ACTR2: variants seen among roughly 807,000 people sequenced by gnomAD.
The protein encoded by ACTR2 is actin related protein 2, also known as actin-related protein 2.
Under a neutral mutation model 50.2 loss-of-function variants are expected in ACTR2, and 5 were observed. That is an observed-to-expected ratio of 0.10 (90% CI 0.05 to 0.21). The LOEUF (loss-of-function observed/expected upper bound fraction) is 0.21. Among genes scored for constraint, ACTR2 ranks in the 10% least tolerant of loss-of-function variants. ACTR2 has a pLI of 1.00. For missense variants in ACTR2, 180 were observed against 480.6 expected (o/e 0.37, Z 5.85); for synonymous variants, 140 against 162.9 (o/e 0.86, Z 1.07).
At chr2:65,254,593 G>A (rs1323116019) in intron 5 of ACTR2, among the ~76,000 whole-genome samples, 4 of 152,290 alleles carry the variant, frequency 2.6e-5, no homozygotes, top group African/African-American at 7.2e-5. Context: ...CCAGGGGACA[G>A]TGCTGTCCTC....
intron 6 of ACTR2, among the ~76,000 whole-genome samples, chr2:65,255,902 A>G (rs1483021812): frequency 2.6e-5 from 4 of 152,232 alleles, no homozygotes; most frequent in African/African-American, 9.6e-5. Context: ...GGCAAGAATC[A>G]TAAATTACTC....
At chr2:65,253,951 C>T in intron 5 of ACTR2, 87 bp downstream of exon 5, 1 of 1,164,154 alleles carries the variant, frequency 8.6e-7, no homozygotes, top group Non-Finnish European at 1.2e-6. Flanking sequence ...TTTTAGGATT[C>T]CAGCAAATCT....
chr2:65,248,412 A>G (rs546279655), intron 3 of ACTR2, among the ~76,000 whole-genome samples: 1 of 151,908 alleles, frequency 6.6e-6, no homozygotes, highest in Non-Finnish European at 1.5e-5. Context: ...AAAGAAAAAA[A>G]GGGAATTGGG....
chr2:65,228,059 G>C lies in ACTR2; in HGVS notation c.48+102G>C, dbSNP rs1035088133. ...CCCAGGGCTGCACCTCCGGGCCCTC[G>C]GGGCGAAGGGGCGCGGGGCGGTGCC... On this transcript the variant is annotated intron_variant, in intron 1 of 8. Coordinates refer to ENST00000260641, the MANE Select transcript of ACTR2 (RefSeq NM_005722.4). 56 of 1,125,210 alleles carry C rather than the reference G, an allele frequency of 5.0e-5. 1 individual carries two copies. Among genetic ancestry groups the C allele is most frequent in the Non-Finnish European group, 3.1e-5 (26 of 850,342 alleles). The allele number at this position is 1,125,210 out of a possible 1,614,324, so 69.7% of individuals were successfully genotyped here. A position where few individuals can be genotyped will look rare whatever the true frequency, so the allele number is the denominator to read the frequency against.
intron 3 of ACTR2, among the ~76,000 whole-genome samples, chr2:65,250,180 C>G (rs906107437): frequency 2.0e-5 from 3 of 148,356 alleles, no homozygotes; most frequent in African/African-American, 7.5e-5. Flanking sequence ...CTGGCTAACA[C>G]GGTGAAACCC....
At chr2:65,253,922 C>A in intron 5 of ACTR2, 58 bp downstream of exon 5, 1 of 1,457,138 alleles carries the variant, frequency 6.9e-7, no homozygotes, top group East Asian at 2.3e-5. Context: ...ACCACCTTAA[C>A]ACAGAATTGA....
chr2:65,229,835 A>T (rs549806960), intron 1 of ACTR2, among the ~76,000 whole-genome samples: 121 of 152,170 alleles, frequency 8.0e-4, no homozygotes, highest in African/African-American at 2.9e-3. Context: ...AGGCAGATCC[A>T]CTGCTATGGA....
At chr2:65,238,695 G>A (rs1159993519) in intron 1 of ACTR2, among the ~76,000 whole-genome samples, 2 of 149,542 alleles carry the variant, frequency 1.3e-5, no homozygotes, top group South Asian at 2.1e-4. Context: ...AGCCAGGCGC[G>A]GTGACTCAAC....
chr2:65,229,203 C>T (rs1262065566), intron 1 of ACTR2, among the ~76,000 whole-genome samples: 1 of 152,082 alleles, frequency 6.6e-6, no homozygotes, highest in East Asian at 1.9e-4. Context: ...TGGATGACTT[C>T]TATAGTGATT....
At chr2:65,228,210 T>G (rs1035419076) in intron 1 of ACTR2, 1 of 385,832 alleles carries the variant, frequency 2.6e-6, no homozygotes, top group African/African-American at 2.1e-5. Flanking sequence ...GCACTGGACA[T>G]GGAGCCTACT....
intron 1 of ACTR2, among the ~76,000 whole-genome samples, chr2:65,231,832 C>CT (rs2103979191): frequency 6.6e-6 from 1 of 152,238 alleles, no homozygotes; most frequent in East Asian, 1.9e-4. Flanking sequence ...ATGAAATACA[C>CT]TAACAATAGC....
chr2:65,265,901 C>CAA (rs1573171630), intron 8 of ACTR2, among the ~76,000 whole-genome samples: 1 of 152,160 alleles, frequency 6.6e-6, no homozygotes, highest in African/African-American at 2.4e-5. Context: ...TTATGTATTA[C>CAA]AGAGTACTGT....
chr2:65,241,584 A>T (rs938282354), intron 2 of ACTR2, among the ~76,000 whole-genome samples: 2 of 152,172 alleles, frequency 1.3e-5, no homozygotes, highest in Non-Finnish European at 2.9e-5. Flanking sequence ...AGAAAACAGC[A>T]AAAGATACCT....
At chr2:65,250,421 T>G (rs1175989967) in intron 3 of ACTR2, among the ~76,000 whole-genome samples, 1 of 151,614 alleles carries the variant, frequency 6.6e-6, no homozygotes, top group Non-Finnish European at 1.5e-5. Flanking sequence ...ACACCTGTAA[T>G]CCCAGCACTT....
At chr2:65,229,148 G>T (rs1049983762) in intron 1 of ACTR2, among the ~76,000 whole-genome samples, 5 of 151,510 alleles carry the variant, frequency 3.3e-5, no homozygotes, top group Non-Finnish European at 7.4e-5. Flanking sequence ...AATGTATTTT[G>T]GGTAGCAAAG....
chr2:65,235,582 C>T (rs558119653), intron 1 of ACTR2, among the ~76,000 whole-genome samples: 10 of 152,094 alleles, frequency 6.6e-5, no homozygotes, highest in Admixed American at 2.6e-4. Context: ...TGGTGAAACC[C>T]CTTCTCTACT....
intron 1 of ACTR2, among the ~76,000 whole-genome samples, chr2:65,229,762 A>AG (rs1671600494): frequency 6.6e-6 from 1 of 150,750 alleles, no homozygotes. Context: ...AAAAAAAAAA[A>AG]AAAAAAAAAG....
chr2:65,250,135 C>G (rs1398126651), intron 3 of ACTR2, among the ~76,000 whole-genome samples: 1 of 150,670 alleles, frequency 6.6e-6, no homozygotes, highest in Admixed American at 6.6e-5. Context: ...GAGGCCGAGG[C>G]AGGCGGATCA....
At chr2:65,260,543 A>G (rs1019286631) in intron 6 of ACTR2, among the ~76,000 whole-genome samples, 2 of 152,218 alleles carry the variant, frequency 1.3e-5, no homozygotes, top group African/African-American at 4.8e-5. Context: ...TGTCTGTTCT[A>G]CATAGCAGAA....
Sources: gnomAD v4.1 joint callset for allele counts (sites outside exome capture counted in the v4.1 genomes callset) on GRCh38, gnomAD v4.1.1 for gene constraint, MANE v1.5 for transcripts, NCBI Gene and HGNC (gene_info 2026-07-23, HGNC 2026-07-21) for gene names.